The following MSRB2 variants were observed in gnomAD, a reference collection of about 807,000 sequenced individuals.
The protein encoded by MSRB2 is methionine sulfoxide reductase B2.
Under a neutral mutation model 19.0 loss-of-function variants are expected in MSRB2, and 17 were observed. The observed-to-expected ratio is 0.89, with a 90% confidence interval of 0.61 to 1.34. The LOEUF (loss-of-function observed/expected upper bound fraction) is 1.34. MSRB2 is among the 40% of genes most tolerant of loss of function. The pLI, the probability that MSRB2 is intolerant of heterozygous loss-of-function variation, is 0.00. For synonymous variants in MSRB2, 107 were observed against 99.7 expected, an observed-to-expected ratio of 1.07 and a Z score of -0.44; for missense variants, 208 against 237.6, an observed-to-expected ratio of 0.88 and a Z score of 0.82.
chr10:23,100,232 A>G lies in MSRB2; in HGVS notation c.119-3912A>G, dbSNP rs140636329. On this transcript the variant is annotated intron_variant, in intron 1 of 4. Coordinates refer to ENST00000376510, the MANE Select transcript of MSRB2 (RefSeq NM_012228.4). ...TGATAGCCAGAGATTAGGTCTCACA[A>G]ATTCCCCCACGGGACCAGAGTTTAG... Among the ~76,000 whole-genome samples the G allele has an allele frequency of 7.3e-4, 111 of 152,304 alleles. 1 individual carries two copies. The highest frequency in any genetic ancestry group is 2.6e-3 in the African/African-American group (109 of 41,560).
intron 2 of MSRB2, among the ~76,000 whole-genome samples, chr10:23,105,987 TG>T (rs1359839787): frequency 6.6e-6 from 1 of 152,220 alleles, no homozygotes; most frequent in Non-Finnish European, 1.5e-5. Flanking sequence ...AGCAGTTGTA[TG>T]TATTCCCAGA....
At position 23,110,258 on chromosome 10, in the gene MSRB2, A is replaced by G. The variant is rs769642851; in HGVS notation, c.236A>G (p.Tyr79Cys). ...TACTTTCAGCCTTTCAGTGGGATCT[A>G]CCTGAATAACAAGGAAGCAGGAATG... The part of the protein sequence containing the change: ...KGTEPPFSGI[Y>C]LNNKEAGMYH... The change falls in exon 3 of 5, where the codon TAC becomes TGC. Residue 79 changes from tyrosine (Y) to cysteine (C), a missense_variant. Tyr to Cys is a radical substitution (Grantham distance 194). Coordinates refer to ENST00000376510, the MANE Select transcript of MSRB2 (RefSeq NM_012228.4). 1.9e-6 allele frequency: 3 copies of G among 1,613,610 alleles called. No homozygotes were observed. The African/African-American group carries it at 4.0e-5, about 22-fold the overall frequency.
At chr10:23,104,343 TC>T in intron 2 of MSRB2, 99 bp downstream of exon 2, 1 of 820,984 alleles carries the variant, frequency 1.2e-6, no homozygotes, top group Non-Finnish European at 1.9e-6. Context: ...CCAGCAACAC[TC>T]CACAGGCCTG....
chr10:23,109,887 G>A (rs550229841), intron 2 of MSRB2, among the ~76,000 whole-genome samples: 8 of 152,320 alleles, frequency 5.3e-5, no homozygotes, highest in African/African-American at 1.9e-4. Flanking sequence ...CTAGATTCCT[G>A]TTGTATTAAC....
chr10:23,099,154 T>C (rs1564426878), intron 1 of MSRB2, among the ~76,000 whole-genome samples: 1 of 152,216 alleles, frequency 6.6e-6, no homozygotes, highest in African/African-American at 2.4e-5. Flanking sequence ...CTTCAACATA[T>C]GAATTTGGAA....
intron 1 of MSRB2, among the ~76,000 whole-genome samples, chr10:23,103,523 G>A (rs1003303849): frequency 2.6e-5 from 4 of 152,210 alleles, no homozygotes; most frequent in Non-Finnish European, 4.4e-5. Context: ...ATGCCAAGGT[G>A]AGTAGGAAAG....
At chr10:23,113,093 C>G (rs1840073242) in intron 3 of MSRB2, among the ~76,000 whole-genome samples, 1 of 152,186 alleles carries the variant, frequency 6.6e-6, no homozygotes, top group African/African-American at 2.4e-5. Context: ...TCTCTGGTCT[C>G]CAGTCTCTAT....
intron 3 of MSRB2, among the ~76,000 whole-genome samples, chr10:23,112,380 G>A (rs1468002884): frequency 2.0e-5 from 3 of 152,138 alleles, no homozygotes; most frequent in Non-Finnish European, 2.9e-5. Context: ...GTATATCCTG[G>A]CTCCATTGCT....
Position 23,121,119 on chromosome 10 carries a change from A to C in MSRB2, c.*257A>C. 1 of 415,956 alleles carries C rather than the reference A, an allele frequency of 2.4e-6. No homozygotes were observed. Among genetic ancestry groups the C allele is most frequent in the Non-Finnish European group, 4.2e-6 (1 of 235,650 alleles). 25.8% of individuals were successfully genotyped at this position (415,956 alleles called of 1,614,324 possible). Reference sequence around the variant, plus strand: ...AAAAAAAAGAAAAACTAGAAAAATAAACAAAATTAAAAAGAAAAAAAAATA... The same window carrying C: ...AAAAAAAAGAAAAACTAGAAAAATACACAAAATTAAAAAGAAAAAAAAATA... On this transcript the variant is annotated 3_prime_UTR_variant, in exon 5 of 5. Coordinates refer to ENST00000376510, the MANE Select transcript of MSRB2 (RefSeq NM_012228.4).
intron 3 of MSRB2, among the ~76,000 whole-genome samples, chr10:23,115,528 T>C (rs994689922): frequency 3.1e-4 from 47 of 152,342 alleles, no homozygotes; most frequent in African/African-American, 1.1e-3. Context: ...CAAGTGCCTG[T>C]GCTGTTGGTT....
chr10:23,111,157 C>G (rs559453661), intron 3 of MSRB2, among the ~76,000 whole-genome samples: 1 of 152,306 alleles, frequency 6.6e-6, no homozygotes, highest in South Asian at 2.1e-4. Flanking sequence ...CCTTAGGAAG[C>G]CGGACCCGCC....
chr10:23,095,704 C>T lies in MSRB2; in HGVS notation c.96C>T (p.Thr32=), dbSNP rs1588965413. The change falls in exon 1 of 5, where the codon ACC becomes ACT. Residue 32 remains threonine (T), a synonymous_variant. Transcript: ENST00000376510. ...RGQAGGGGPG[T]GPGLGEAGSL... ...AAGCGGGCGGCGGCGGGCCCGGCAC[C>T]GGGCCGGGACTGGGGGAGGCAGGTA... The T allele has an allele frequency of 7.7e-7, 1 of 1,291,758 alleles. No individual in the cohort carries two copies. The highest frequency in any genetic ancestry group is 9.7e-7 in the Non-Finnish European group (1 of 1,025,936). The allele number at this position is 1,291,758 out of a possible 1,614,324, so 80.0% of individuals were successfully genotyped here.
chr10:23,106,605 C>T (rs989054090), intron 2 of MSRB2, among the ~76,000 whole-genome samples: 2 of 152,144 alleles, frequency 1.3e-5, no homozygotes, highest in Non-Finnish European at 1.5e-5. Flanking sequence ...ATGGAGAAAT[C>T]GCTAGAGCCC....
chr10:23,104,017 G>C (rs770207186), intron 1 of MSRB2, 127 bp from the exon 2 acceptor site: 6 of 596,012 alleles, frequency 1.0e-5, no homozygotes, highest in Non-Finnish European at 1.7e-5. Context: ...GAATAAACTC[G>C]TGGGAGAGAG....
At chr10:23,112,732 G>T (rs1840069823) in intron 3 of MSRB2, among the ~76,000 whole-genome samples, 1 of 152,196 alleles carries the variant, frequency 6.6e-6, no homozygotes, top group South Asian at 2.1e-4. Flanking sequence ...ACAGGCGTGT[G>T]CCACCATGCC....
intron 3 of MSRB2, among the ~76,000 whole-genome samples, chr10:23,112,692 G>A (rs971182928): frequency 1.3e-5 from 2 of 152,172 alleles, no homozygotes; most frequent in Non-Finnish European, 2.9e-5. Context: ...AGGTTGAAGC[G>A]ATTCTCCTGC....
chr10:23,100,510 A>G (rs1197080386), intron 1 of MSRB2, among the ~76,000 whole-genome samples: 1 of 152,200 alleles, frequency 6.6e-6, no homozygotes, highest in Non-Finnish European at 1.5e-5. Flanking sequence ...ACGGTTCCAC[A>G]GGCTGTACAG....
intron 1 of MSRB2, among the ~76,000 whole-genome samples, chr10:23,096,372 G>GTGTGTGTGTGTGTT (rs1554793507): frequency 6.6e-6 from 1 of 151,808 alleles, no homozygotes; most frequent in African/African-American, 2.4e-5. Flanking sequence ...GTGTGTGTGT[G>GTGTGTGTGTGTGTT]TTTCTGCTAA....
rs111704117 is a variant in MSRB2, at chr10:23,105,891, C to T, written c.219+1647C>T. The stretch of plus-strand genomic sequence containing the variant: ...GGTATTTTTGAAAACTTCCTGTAGG[C>T]GGGATTTTACTAAAGCCCTTGTTGG... On this transcript the variant is annotated intron_variant, in intron 2 of 4. Transcript: ENST00000376510. Among the ~76,000 whole-genome samples the T allele has an allele frequency of 5.7e-4, 87 of 152,270 alleles. No individual in the cohort carries two copies. The East Asian group carries it at 9.4e-3, about 17-fold the overall frequency.
Sources: gnomAD v4.1 joint callset for allele counts (sites outside exome capture counted in the v4.1 genomes callset) on GRCh38, gnomAD v4.1.1 for gene constraint, MANE v1.5 for transcripts, NCBI Gene and HGNC (gene_info 2026-07-23, HGNC 2026-07-21) for gene names.